Variants in THADA observed in about 807,000 individuals in gnomAD.
The protein encoded by THADA is THADA armadillo repeat containing, also known as tRNA (32-2'-O)-methyltransferase regulator THADA.
A neutral mutation model predicts 219.8 loss-of-function variants in THADA; 213 were observed. The observed-to-expected ratio is 0.97, with a 90% CI of 0.87 to 1.09. The LOEUF (loss-of-function observed/expected upper bound fraction) is 1.09, where lower values mean the gene tolerates loss of function less well. THADA is among the 50% of genes least tolerant of loss of function. THADA has a pLI of 0.00. For missense variants in THADA, 2,956 were observed against 2,311.3 expected, an observed-to-expected ratio of 1.28 and a Z score of -5.72; for synonymous variants, 1,018 against 828.9, an observed-to-expected ratio of 1.23 and a Z score of -3.92.
At chr2:43,545,783 G>C (rs920678222) in intron 20 of THADA, among the ~76,000 whole-genome samples, 4 of 151,736 alleles carry the variant, frequency 2.6e-5, no homozygotes, top group Admixed American at 2.6e-4. Flanking sequence ...TATTAGTCTT[G>C]CTAGTGGTCT....
At chr2:43,476,133 C>G (rs1305835033) in intron 26 of THADA, among the ~76,000 whole-genome samples, 3 of 152,122 alleles carry the variant, frequency 2.0e-5, no homozygotes, top group African/African-American at 7.2e-5. Context: ...ATTTCTATCA[C>G]CAGGGATAAG....
At chr2:43,541,420 A>C (rs1695294499) in intron 20 of THADA, 104 bp from the exon 21 acceptor site, 1 of 1,300,158 alleles carries the variant, frequency 7.7e-7, no homozygotes, top group Non-Finnish European at 1.1e-6. Context: ...CTGCTTGAAC[A>C]AACCCGATTT....
intron 16 of THADA, among the ~76,000 whole-genome samples, chr2:43,559,052 AG>A (rs1276903073): frequency 6.6e-6 from 1 of 152,186 alleles, no homozygotes; most frequent in Non-Finnish European, 1.5e-5. Flanking sequence ...TTCTCCATCC[AG>A]GTACTCTCAA....
intron 35 of THADA, among the ~76,000 whole-genome samples, chr2:43,285,112 T>C (rs967311578): frequency 6.6e-6 from 1 of 152,120 alleles, no homozygotes; most frequent in Non-Finnish European, 1.5e-5. Flanking sequence ...AGATAAGACT[T>C]TGGACTGTGG....
At chr2:43,271,291 C>T (rs1405584128) in intron 36 of THADA, among the ~76,000 whole-genome samples, 6 of 152,064 alleles carry the variant, frequency 3.9e-5, no homozygotes, top group African/African-American at 1.4e-4. Flanking sequence ...TTAGTAGATG[C>T]TTCATCAGTT....
chr2:43,273,066 T>G (rs1672307209), intron 36 of THADA, among the ~76,000 whole-genome samples: 1 of 151,964 alleles, frequency 6.6e-6, no homozygotes, highest in East Asian at 1.9e-4. Flanking sequence ...CTGGGCAACA[T>G]GTAGTAGCCC....
intron 36 of THADA, among the ~76,000 whole-genome samples, chr2:43,274,659 T>C (rs1452580543): frequency 6.6e-6 from 1 of 152,024 alleles, no homozygotes; most frequent in Non-Finnish European, 1.5e-5. Flanking sequence ...TTTAATGCAT[T>C]CCCGCTAAAT....
At chr2:43,531,856 C>T (rs1324990992) in intron 21 of THADA, among the ~76,000 whole-genome samples, 1 of 151,590 alleles carries the variant, frequency 6.6e-6, no homozygotes, top group Non-Finnish European at 1.5e-5. Context: ...TTTTTTTCGA[C>T]TCATAATTTT....
chr2:43,473,797 C>T (rs199811859), intron 26 of THADA, among the ~76,000 whole-genome samples: 11 of 152,142 alleles, frequency 7.2e-5, no homozygotes, highest in African/African-American at 1.2e-4. Flanking sequence ...TTAGTAGAGA[C>T]GAGGTTTCAC....
intron 19 of THADA, among the ~76,000 whole-genome samples, chr2:43,550,962 T>C (rs983788198): frequency 1.3e-5 from 2 of 152,104 alleles, no homozygotes; most frequent in African/African-American, 4.8e-5. Flanking sequence ...CAAAAAAAAA[T>C]TAATTAAATA....
chr2:43,576,519 C>T (rs745607410), intron 10 of THADA, among the ~76,000 whole-genome samples: 14 of 152,086 alleles, frequency 9.2e-5, no homozygotes, highest in Non-Finnish European at 1.9e-4. Flanking sequence ...CATTAGATTA[C>T]CTATGTTGAA....
chr2:43,256,087 TAAG>T (rs1218891517), intron 36 of THADA, among the ~76,000 whole-genome samples: 1 of 152,056 alleles, frequency 6.6e-6, no homozygotes, highest in East Asian at 1.9e-4. Context: ...CCCCTGCCTG[TAAG>T]AAGAGGTAAG....
intron 20 of THADA, among the ~76,000 whole-genome samples, chr2:43,547,170 T>A (rs1244443521): frequency 1.3e-5 from 2 of 152,190 alleles, no homozygotes; most frequent in Admixed American, 6.5e-5. Context: ...GGTTGAAAAT[T>A]CTTTTCTTTA....
intron 17 of THADA, 68 bp from the exon 18 acceptor site, chr2:43,552,407 A>G: frequency 1.3e-6 from 2 of 1,489,062 alleles, no homozygotes; most frequent in Non-Finnish European, 1.8e-6. Flanking sequence ...ACGAACAGCA[A>G]AATAGTTCCC....
intron 26 of THADA, among the ~76,000 whole-genome samples, chr2:43,450,002 T>C (rs566222113): frequency 1.3e-5 from 2 of 152,252 alleles, no homozygotes; most frequent in South Asian, 4.1e-4. Context: ...TCAGTACCAC[T>C]AGACTTGCCC....
chr2:43,302,034 CTTT>C (rs1214282792), intron 31 of THADA, among the ~76,000 whole-genome samples: 1 of 149,214 alleles, frequency 6.7e-6, no homozygotes, highest in Non-Finnish European at 1.5e-5. Context: ...TTTAAACCTT[CTTT>C]GCCTTTTTTT....
At chr2:43,297,227 C>T (rs549975752) in intron 31 of THADA, among the ~76,000 whole-genome samples, 7 of 105,040 alleles carry the variant, frequency 6.7e-5, no homozygotes, top group East Asian at 4.8e-4. Flanking sequence ...TCTGCCCGGC[C>T]GAGACCCCGT....
In THADA at chr2:43,556,528, G is replaced by C; in HGVS notation, c.2491C>G (p.Gln831Glu). 1 of 1,613,754 alleles carries C rather than the reference G, an allele frequency of 6.2e-7. No homozygotes were observed. Among genetic ancestry groups the C allele is most frequent in the Non-Finnish European group, 8.5e-7 (1 of 1,179,764 alleles). The change falls in exon 17 of 38, where the codon CAG (glutamine) becomes GAG (glutamate). Residue 831 changes from glutamine (Q) to glutamate (E), a missense_variant. Coordinates refer to ENST00000405975, the MANE Select transcript of THADA (RefSeq NM_022065.5). The part of the protein sequence containing the change: ...QDSGKLQGLF[Q>E]AALELSTSTK... The stretch of plus-strand genomic sequence containing the variant: ...CTTGTGCTGAGCTCCAATGCTGCCT[G>C]AAATAAGCCTTGCAGTTTCCCCGAA...
chr2:43,525,263 T>C (rs1025104556), intron 22 of THADA, among the ~76,000 whole-genome samples: 1 of 152,194 alleles, frequency 6.6e-6, no homozygotes, highest in South Asian at 2.1e-4. Flanking sequence ...ATTCAGTTGG[T>C]TCATGTGGCA....
Sources: allele counts gnomAD v4.1 joint callset (sites outside exome capture counted in the v4.1 genomes callset), GRCh38; gene constraint gnomAD v4.1.1; transcripts MANE v1.5; gene names NCBI Gene and HGNC (gene_info 2026-07-23, HGNC 2026-07-21).